The following PIK3R3 variants were observed in gnomAD, a reference collection of about 807,000 sequenced individuals.
The protein encoded by PIK3R3 is phosphoinositide-3-kinase regulatory subunit 3.
Under a neutral mutation model 62.9 loss-of-function variants are expected in PIK3R3, and 64 were observed. The ratio of observed to expected loss-of-function variants is 1.02; its 90% CI spans 0.83 to 1.25. The LOEUF is 1.25. PIK3R3 is among the 50% of genes most tolerant of loss of function. The pLI, the probability that PIK3R3 is intolerant of heterozygous loss-of-function variation, is 0.00. For synonymous variants in PIK3R3, 165 were observed against 189.0 expected (o/e 0.87, Z 1.04); for missense variants, 614 against 561.6 (o/e 1.09, Z -0.94).
chr1:46,158,110 C>T, the PIK3R3 span, among the ~76,000 whole-genome samples: 545 of 152,234 alleles, frequency 3.6e-3, 3 homozygotes, highest in East Asian at 0.026. Context: ...CCTGGGTCAC[C>T]CCATCCCACT....
chr1:46,165,920 G>A, the PIK3R3 span, among the ~76,000 whole-genome samples: 1 of 151,166 alleles, frequency 6.6e-6, no homozygotes, highest in Non-Finnish European at 1.5e-5. Context: ...ACAGGCGCCC[G>A]CCACCGCACC....
At chr1:46,145,713 A>G in the PIK3R3 span, among the ~76,000 whole-genome samples, 2 of 152,214 alleles carry the variant, frequency 1.3e-5, no homozygotes, top group African/African-American at 2.4e-5. Context: ...AATTTTCAAC[A>G]TGAGTTTTGA....
intron 1 of PIK3R3, among the ~76,000 whole-genome samples, chr1:46,111,455 AG>A (rs368469030): frequency 6.6e-6 from 1 of 152,184 alleles, no homozygotes; most frequent in Non-Finnish European, 1.5e-5. Context: ...GGCTCCATGC[AG>A]TGCTCATACC....
chr1:46,077,166 A>G (rs1650139255), intron 3 of PIK3R3, among the ~76,000 whole-genome samples: 1 of 152,204 alleles, frequency 6.6e-6, no homozygotes, highest in South Asian at 2.1e-4. Flanking sequence ...AGTCTGCATT[A>G]AGGAAGATAA....
intron 1 of PIK3R3, among the ~76,000 whole-genome samples, chr1:46,083,249 T>C (rs1477642208): frequency 6.6e-6 from 1 of 152,094 alleles, no homozygotes; most frequent in Non-Finnish European, 1.5e-5. Flanking sequence ...CAAAATTAAC[T>C]AAAAATTGAT....
chr1:46,083,281 C>G (rs1021243042), intron 1 of PIK3R3, among the ~76,000 whole-genome samples: 2 of 151,982 alleles, frequency 1.3e-5, no homozygotes. Flanking sequence ...ATATCAAGAC[C>G]TAAAACTATA....
At chr1:46,146,582 C>T in the PIK3R3 span, among the ~76,000 whole-genome samples, 1 of 152,016 alleles carries the variant, frequency 6.6e-6, no homozygotes, top group Non-Finnish European at 1.5e-5. Flanking sequence ...TTCCCTACAA[C>T]CTCATCGATC....
At chr1:46,098,886 G>A (rs1425674557) in intron 1 of PIK3R3, among the ~76,000 whole-genome samples, 1 of 151,906 alleles carries the variant, frequency 6.6e-6, no homozygotes, top group Non-Finnish European at 1.5e-5. Context: ...TATTTTTGTA[G>A]AGACAGGGTC....
chr1:46,136,950 T>A (rs1173924447), upstream of PIK3R3, among the ~76,000 whole-genome samples: 1 of 152,200 alleles, frequency 6.6e-6, no homozygotes, highest in Non-Finnish European at 1.5e-5. Flanking sequence ...CCAGGCTGTT[T>A]CAGGAGGACA....
chr1:46,079,752 G>A (rs571181079), intron 2 of PIK3R3, among the ~76,000 whole-genome samples: 1 of 152,148 alleles, frequency 6.6e-6, no homozygotes, highest in Admixed American at 6.5e-5. Flanking sequence ...TCAGGAGTTC[G>A]AGACCAGCCT....
chr1:46,073,683 G>A (rs1283233720), intron 3 of PIK3R3, among the ~76,000 whole-genome samples: 4 of 151,800 alleles, frequency 2.6e-5, no homozygotes, highest in East Asian at 1.9e-4. Context: ...GCAGTGGCGC[G>A]ATCTTGGCTC....
chr1:46,168,311 A>T, the PIK3R3 span, among the ~76,000 whole-genome samples: 1 of 152,120 alleles, frequency 6.6e-6, no homozygotes, highest in Non-Finnish European at 1.5e-5. Flanking sequence ...TGTGTCTGCT[A>T]GTCTGTTTTC....
At chr1:46,062,145 A>G (rs1648560455) in intron 5 of PIK3R3, 74 bp from the exon 6 acceptor site, 1 of 1,300,808 alleles carries the variant, frequency 7.7e-7, no homozygotes, top group Non-Finnish European at 1.1e-6. Context: ...TCTTAAACAA[A>G]TTTTGTAATT....
At chr1:46,092,649 C>T (rs1348706714) in intron 1 of PIK3R3, among the ~76,000 whole-genome samples, 4 of 152,176 alleles carry the variant, frequency 2.6e-5, no homozygotes, top group African/African-American at 7.2e-5. Flanking sequence ...AGGAGTGAGC[C>T]ACCGCGCTTG....
At chr1:46,156,736 C>T in the PIK3R3 span, among the ~76,000 whole-genome samples, 4 of 152,208 alleles carry the variant, frequency 2.6e-5, no homozygotes, top group African/African-American at 9.6e-5. Context: ...TGTCCATTAG[C>T]TGTCCAAACC....
intron 1 of PIK3R3, among the ~76,000 whole-genome samples, chr1:46,107,276 G>C (rs1271457501): frequency 6.6e-6 from 1 of 151,944 alleles, no homozygotes; most frequent in East Asian, 1.9e-4. Flanking sequence ...CTTGAACCTG[G>C]GAGGTTGCAG....
chr1:46,123,124 A>C lies in PIK3R3; in HGVS notation c.106+8723T>G, dbSNP rs187979192. 9.6e-4 allele frequency among the ~76,000 whole-genome samples: 147 copies of C among 152,358 alleles called. 1 individual carries two copies. The highest frequency in any genetic ancestry group is 3.5e-3 in the African/African-American group (144 of 41,596). Reference sequence around the variant, plus strand: ...AAGGAAATACAACAGCCTGACCTCAAGAAACTTATCTTGTTTGGGAGGTGA... The same window carrying C: ...AAGGAAATACAACAGCCTGACCTCACGAAACTTATCTTGTTTGGGAGGTGA... On this transcript the variant is annotated intron_variant, in intron 1 of 9. Coordinates refer to ENST00000262741, the MANE Select transcript of PIK3R3 (RefSeq NM_003629.4).
At chr1:46,051,001 C>T (rs1403183965) in intron 7 of PIK3R3, among the ~76,000 whole-genome samples, 1 of 152,072 alleles carries the variant, frequency 6.6e-6, no homozygotes, top group Non-Finnish European at 1.5e-5. Context: ...ATAGACAAAT[C>T]CATAGACACA....
intron 1 of PIK3R3, among the ~76,000 whole-genome samples, chr1:46,126,078 G>A (rs1655070153): frequency 6.6e-6 from 1 of 151,956 alleles, no homozygotes; most frequent in Non-Finnish European, 1.5e-5. Context: ...GAGTTTCTAA[G>A]ACCCTTCAGA....
Sources: gnomAD v4.1 joint callset for allele counts (sites outside exome capture counted in the v4.1 genomes callset) on GRCh38, gnomAD v4.1.1 for gene constraint, MANE v1.5 for transcripts, NCBI Gene and HGNC (gene_info 2026-07-23, HGNC 2026-07-21) for gene names.